DGKB: variants seen among roughly 807,000 people sequenced by gnomAD.
The protein encoded by DGKB is 90 kDa diacylglycerol kinase.
A neutral mutation model predicts 114.3 loss-of-function variants in DGKB; 67 were observed. The ratio of observed to expected loss-of-function variants is 0.59; its 90% confidence interval spans 0.48 to 0.72. The LOEUF (loss-of-function observed/expected upper bound fraction) is 0.72, where lower values mean the gene tolerates loss of function less well. Among genes scored for constraint, DGKB ranks in the 30% least tolerant of loss-of-function variants. The probability of loss-of-function intolerance (pLI) is 0.00; values close to 1 mark genes in which losing one functional copy is unlikely to be tolerated. For synonymous variants in DGKB, 398 were observed against 323.1 expected (o/e 1.23, Z -2.49); for missense variants, 907 against 975.2 (o/e 0.93, Z 0.93).
intron 23 of DGKB, among the ~76,000 whole-genome samples, chr7:14,309,792 G>C (rs2128503536): frequency 6.6e-6 from 1 of 152,310 alleles, no homozygotes; most frequent in South Asian, 2.1e-4. Flanking sequence ...CTGGGACAAA[G>C]ATGCTATGGG....
intron 1 of DGKB, among the ~76,000 whole-genome samples, chr7:14,919,901 G>T (rs962980919): frequency 1.2e-4 from 18 of 152,168 alleles, no homozygotes; most frequent in African/African-American, 3.9e-4. Flanking sequence ...CACCATGATT[G>T]TAAGTTTCCT....
At chr7:14,721,154 G>T (rs1829102446) in intron 5 of DGKB, among the ~76,000 whole-genome samples, 1 of 152,100 alleles carries the variant, frequency 6.6e-6, no homozygotes, top group Admixed American at 6.5e-5. Context: ...AGAAAGAAAA[G>T]AATATGCTCT....
intron 20 of DGKB, among the ~76,000 whole-genome samples, chr7:14,503,480 T>C (rs1284658878): frequency 6.6e-6 from 1 of 152,196 alleles, no homozygotes; most frequent in Admixed American, 6.6e-5. Flanking sequence ...TTTTGACTCA[T>C]CTTTACTTAA....
intron 2 of DGKB, among the ~76,000 whole-genome samples, chr7:14,780,098 T>A (rs1361933242): frequency 6.6e-6 from 1 of 152,196 alleles, no homozygotes; most frequent in Non-Finnish European, 1.5e-5. Context: ...GTTGGGACAC[T>A]TAAACAGTGA....
intron 2 of DGKB, among the ~76,000 whole-genome samples, chr7:14,839,367 G>C (rs190543761): frequency 1.1e-3 from 168 of 151,402 alleles, no homozygotes; most frequent in African/African-American, 4.0e-3. Flanking sequence ...TAAAGAAGAA[G>C]TAGGCCATTC....
chr7:14,869,886 C>A (rs1852206324), intron 1 of DGKB, among the ~76,000 whole-genome samples: 1 of 152,132 alleles, frequency 6.6e-6, no homozygotes, highest in Non-Finnish European at 1.5e-5. Flanking sequence ...CATGCTATAC[C>A]AGATCTAGTT....
At chr7:14,731,309 C>G (rs6946940) in intron 5 of DGKB, among the ~76,000 whole-genome samples, 1 of 152,056 alleles carries the variant, frequency 6.6e-6, no homozygotes, top group Non-Finnish European at 1.5e-5. Context: ...AAATACAGTA[C>G]GTAAATATTA....
chr7:14,449,938 T>C (rs1385595209), intron 21 of DGKB, among the ~76,000 whole-genome samples: 1 of 152,070 alleles, frequency 6.6e-6, no homozygotes, highest in Non-Finnish European at 1.5e-5. Flanking sequence ...TTTATGAACA[T>C]ATGATAGTGT....
At chr7:14,575,862 C>A (rs1346100236) in intron 19 of DGKB, among the ~76,000 whole-genome samples, 1 of 152,084 alleles carries the variant, frequency 6.6e-6, no homozygotes, top group Non-Finnish European at 1.5e-5. Context: ...TGAATAAACT[C>A]ATTGGGTTAA....
chr7:14,316,665 C>G (rs1169204393), intron 23 of DGKB, among the ~76,000 whole-genome samples: 1 of 141,174 alleles, frequency 7.1e-6, no homozygotes, highest in Non-Finnish European at 1.5e-5. Flanking sequence ...CAAAAAGAGT[C>G]CAGGACCAGA....
intron 1 of DGKB, among the ~76,000 whole-genome samples, chr7:14,863,965 G>A (rs1851350172): frequency 6.6e-6 from 1 of 151,904 alleles, no homozygotes; most frequent in Non-Finnish European, 1.5e-5. Context: ...CAGGCGTGGT[G>A]GCACATGCCT....
At chr7:14,305,359 A>T (rs553840096) in intron 23 of DGKB, among the ~76,000 whole-genome samples, 1 of 152,108 alleles carries the variant, frequency 6.6e-6, no homozygotes, top group Non-Finnish European at 1.5e-5. Context: ...TTGCTTCTAC[A>T]TGTGAGTGGG....
At chr7:14,769,280 A>AAGAAAGAAAGAAAGAT (rs562853033) in intron 2 of DGKB, among the ~76,000 whole-genome samples, 1 of 147,288 alleles carries the variant, frequency 6.8e-6, no homozygotes, top group Admixed American at 6.8e-5. Context: ...GAAAGAAAGA[A>AAGAAAGAAAGAAAGAT]AGATTTTGTA....
intron 13 of DGKB, among the ~76,000 whole-genome samples, chr7:14,661,277 A>G (rs932268019): frequency 4.1e-5 from 6 of 146,718 alleles, no homozygotes; most frequent in African/African-American, 1.5e-4. Flanking sequence ...AACCTACAGA[A>G]TGGGAGAAAA....
At chr7:14,178,268 T>A in intron 23 of DGKB, 117 bp from the exon 24 acceptor site, 1 of 1,104,746 alleles carries the variant, frequency 9.1e-7, no homozygotes, top group Non-Finnish European at 1.3e-6. Context: ...AGAAAGCTTG[T>A]CTTAGAAACT....
intron 1 of DGKB, among the ~76,000 whole-genome samples, chr7:14,919,323 T>C (rs770431939): frequency 3.4e-4 from 51 of 151,940 alleles, no homozygotes; most frequent in Non-Finnish European, 6.5e-4. Flanking sequence ...CACAGAAATA[T>C]AGTCAACTGA....
At chr7:14,450,280 G>A (rs1403794268) in intron 21 of DGKB, among the ~76,000 whole-genome samples, 1 of 152,080 alleles carries the variant, frequency 6.6e-6, no homozygotes, top group Non-Finnish European at 1.5e-5. Context: ...CACTGTCCAG[G>A]TAATAATCTA....
intron 23 of DGKB, among the ~76,000 whole-genome samples, chr7:14,316,008 C>T (rs1806417547): frequency 6.6e-6 from 1 of 151,240 alleles, no homozygotes. Context: ...TACATGGAAA[C>T]TGAACAACCT....
At chr7:14,578,587 G>C (rs528481537) in intron 19 of DGKB, among the ~76,000 whole-genome samples, 6 of 152,154 alleles carry the variant, frequency 3.9e-5, no homozygotes, top group Non-Finnish European at 8.8e-5. Flanking sequence ...CCACTGGTAA[G>C]TACAATTAAG....
Sources: allele counts gnomAD v4.1 joint callset (sites outside exome capture counted in the v4.1 genomes callset), GRCh38; gene constraint gnomAD v4.1.1; transcripts MANE v1.5; gene names NCBI Gene and HGNC (gene_info 2026-07-23, HGNC 2026-07-21).